The following VPS13C variants were observed in gnomAD, a reference collection of about 807,000 sequenced individuals.
VPS13C encodes the protein vacuolar protein sorting 13 homolog C.
In VPS13C, 358 loss-of-function variants were observed where a neutral mutation model predicts 456.8. The ratio of observed to expected loss-of-function variants is 0.78; its 90% confidence interval spans 0.72 to 0.86. The LOEUF (loss-of-function observed/expected upper bound fraction) is 0.86. VPS13C is among the 40% of genes least tolerant of loss of function. The pLI is 0.00. For missense variants in VPS13C, 4,818 were observed against 4,385.4 expected (o/e 1.10, Z -2.79); for synonymous variants, 1,578 against 1,486.7 (o/e 1.06, Z -1.41).
intron 41 of VPS13C, 30 bp downstream of exon 41, chr15:61,950,328 C>T: frequency 6.4e-7 from 1 of 1,563,764 alleles, no homozygotes; most frequent in South Asian, 1.1e-5. Flanking sequence ...CAACACAACC[C>T]AACCTTATAG....
intron 52 of VPS13C, among the ~76,000 whole-genome samples, chr15:61,926,561 A>C (rs1264814889): frequency 1.3e-5 from 2 of 152,248 alleles, no homozygotes; most frequent in African/African-American, 2.4e-5. Context: ...ATGCCACTGC[A>C]AATTAGTCAC....
chr15:61,942,081 C>A lies in VPS13C; in HGVS notation c.5149-14G>T. 4.0e-5 allele frequency: 61 copies of A among 1,512,592 alleles called. No individual in the cohort carries two copies. Among genetic ancestry groups the A allele is most frequent in the South Asian group, 1.5e-4 (11 of 72,326 alleles). 93.7% of individuals were successfully genotyped at this position (1,512,592 alleles called of 1,614,324 possible). On this transcript the variant is annotated splice_polypyrimidine_tract_variant and intron_variant, in intron 45 of 84. Coordinates refer to ENST00000644861, the MANE Select transcript of VPS13C (RefSeq NM_020821.3). ...GTTGAGGAAGTTCTGTTGGAAGAGA[C>A]AGATATTTAGGGGAAAAAAGGCATT...
rs142033461 is a variant in VPS13C, at chr15:61,968,652, G to T, written c.2911+647C>A. 5.0e-3 allele frequency among the ~76,000 whole-genome samples: 761 copies of T among 152,070 alleles called. 6 individuals carry two copies. Among genetic ancestry groups the T allele is most frequent in the South Asian group, 0.026 (125 of 4,818 alleles). On this transcript the variant is annotated intron_variant, in intron 28 of 84. Transcript: ENST00000644861. The stretch of plus-strand genomic sequence containing the variant: ...GAATAAACAATCAGAGTTTCTGAAA[G>T]AACTAACTTTACATCCTATCATTTT...
Position 61,940,730 on chromosome 15 carries a change from A to C in VPS13C, c.5518T>G (p.Leu1840Val). 6.2e-7 allele frequency: 1 copy of C among 1,613,822 alleles called. No individual in the cohort carries two copies. Among genetic ancestry groups the C allele is most frequent in the South Asian group, 1.1e-5 (1 of 91,006 alleles). ...IEILKPVNML[L>V]SIQRNLAAAW... The stretch of plus-strand genomic sequence containing the variant: ...GCTGCTAAGTTTCGCTGTATGGACA[A>C]AAGCATGTTGACTGGTTTTAAAATT... The change falls in exon 47 of 85, where the codon TTG becomes GTG. Residue 1840 changes from leucine to valine, a missense_variant. By Grantham distance (32) the Leu-to-Val change is conservative. Around this residue, in one of 3 missense-constraint regions of VPS13C, gnomAD observed 4,552 missense variants for 4,130.6 expected, o/e 1.10. Transcript: ENST00000644861.
At chr15:61,951,610 A>T (rs562951455) in intron 39 of VPS13C, among the ~76,000 whole-genome samples, 2 of 152,302 alleles carry the variant, frequency 1.3e-5, no homozygotes, top group East Asian at 1.9e-4. Flanking sequence ...TTAAAAATTT[A>T]AAAAACAAAT....
At chr15:62,060,174 C>T (rs937769367) in intron 1 of VPS13C, 101 bp downstream of exon 1, 15 of 563,274 alleles carry the variant, frequency 2.7e-5, no homozygotes, top group Middle Eastern at 9.0e-4. Context: ...TGGGGAGTCT[C>T]AGGCGGCGCA....
chr15:61,854,763 A>G (rs1414726108), intron 84 of VPS13C, 108 bp downstream of exon 84: 17 of 1,106,302 alleles, frequency 1.5e-5, no homozygotes, highest in Non-Finnish European at 5.2e-6. Flanking sequence ...ATCCATCCAT[A>G]GTTATATTTG....
Position 61,867,115 on chromosome 15 carries a change from T to C in VPS13C, c.10863+1544A>G. 2 of 978,876 alleles carry C rather than the reference T, an allele frequency of 2.0e-6. No homozygotes were observed. The highest frequency in any genetic ancestry group is 2.4e-6 in the Non-Finnish European group (2 of 823,954). 60.6% of individuals were successfully genotyped at this position (978,876 alleles called of 1,614,324 possible). On this transcript the variant is annotated intron_variant, in intron 81 of 84. Transcript: ENST00000644861. The surrounding 1 kb of genome is among the most constrained non-coding windows in gnomAD (Gnocchi z 5.0). ...GATTTAAAAGCAAAAGGTTGGTTTTTGAAAATAAAGAAATCTATGTATTCA... is the reference window on the plus strand; with the variant it reads ...GATTTAAAAGCAAAAGGTTGGTTTTCGAAAATAAAGAAATCTATGTATTCA...
At chr15:61,984,730 T>C (rs115147389) in intron 19 of VPS13C, 127 bp downstream of exon 19, 2 of 949,698 alleles carry the variant, frequency 2.1e-6, no homozygotes, top group South Asian at 1.8e-5. Flanking sequence ...AAAAAGGCTA[T>C]CTTGACATAT....
chr15:61,974,489 T>C, intron 24 of VPS13C, 72 bp from the exon 25 acceptor site: 1 of 1,485,202 alleles, frequency 6.7e-7, no homozygotes, highest in Non-Finnish European at 9.2e-7. Flanking sequence ...TGCATTAATG[T>C]AATTAGATTA....
At chr15:61,910,436 C>A in intron 63 of VPS13C, 131 bp from the exon 64 acceptor site, 1 of 659,330 alleles carries the variant, frequency 1.5e-6, no homozygotes, top group East Asian at 4.5e-5. Flanking sequence ...AAAATATGTC[C>A]TCTACATCTC....
intron 9 of VPS13C, among the ~76,000 whole-genome samples, chr15:62,014,325 A>C (rs1406115981): frequency 6.6e-6 from 1 of 152,106 alleles, no homozygotes; most frequent in Non-Finnish European, 1.5e-5. Flanking sequence ...TTAAAAAAAC[A>C]AGTAATTGTT....
intron 47 of VPS13C, among the ~76,000 whole-genome samples, chr15:61,937,632 G>A (rs746693702): frequency 4.6e-5 from 7 of 152,076 alleles, no homozygotes; most frequent in Non-Finnish European, 8.8e-5. Flanking sequence ...CCGCCACCAC[G>A]CCCGGCTAAT....
chr15:61,947,429 C>A, intron 42 of VPS13C, 120 bp from the exon 43 acceptor site: 1 of 634,688 alleles, frequency 1.6e-6, no homozygotes, highest in African/African-American at 1.9e-5. Flanking sequence ...AAATGCCCTC[C>A]ATTAAGATAA....
In VPS13C at chr15:62,015,960, C is replaced by CA. The variant is rs67786303; in HGVS notation, c.685-1969dup. On this transcript the variant is annotated intron_variant, in intron 9 of 84. Transcript: ENST00000644861. The stretch of plus-strand genomic sequence containing the variant: ...AAAATAAAAAATAAAAAAAGAAGTC[C>CA]AAAAAAAAAAAAAAAAAAAAAAAAC... Among the ~76,000 whole-genome samples, 547 of 72,372 alleles carry CA rather than the reference C, an allele frequency of 7.6e-3. 6 individuals carry two copies. Among genetic ancestry groups the CA allele is most frequent in the African/African-American group, 0.017 (339 of 20,386 alleles). 47.5% of individuals were successfully genotyped at this position (72,372 alleles called of 152,430 possible).
chr15:62,015,928 TATA>T (rs1435110330), intron 9 of VPS13C, among the ~76,000 whole-genome samples: 3 of 89,494 alleles, frequency 3.4e-5, no homozygotes, highest in African/African-American at 8.8e-5. Flanking sequence ...AAACTTAGAG[TATA>T]ATAAAAATAA....
intron 79 of VPS13C, 54 bp downstream of exon 79, chr15:61,871,935 C>T (rs1446316612): frequency 2.0e-6 from 3 of 1,482,166 alleles, no homozygotes; most frequent in Non-Finnish European, 2.8e-6. Flanking sequence ...ACTATGTTTA[C>T]TAATAGCATC....
At position 61,952,857 on chromosome 15, in the gene VPS13C, C is replaced by T. The variant is rs546071099; in HGVS notation, c.4300-877G>A. Among the ~76,000 whole-genome samples the T allele has an allele frequency of 4.5e-4, 68 of 151,838 alleles. 1 individual carries two copies. Among genetic ancestry groups the T allele is most frequent in the African/African-American group, 1.4e-3 (59 of 41,406 alleles). ...CTTCCCAAGTAGCCAGGACTAAAGG[C>T]ACATGCCACCACAACTGACTAATTA... is the stretch of plus-strand genomic sequence containing the variant. On this transcript the variant is annotated intron_variant, in intron 38 of 84. Transcript: ENST00000644861.
At chr15:62,001,152 C>T (rs79376908) in intron 15 of VPS13C, among the ~76,000 whole-genome samples, 3,929 of 152,280 alleles carry the variant, frequency 0.026, 114 homozygotes, top group South Asian at 0.069. Flanking sequence ...GTTCCAAGTG[C>T]TTTATGTGCT....
Sources: gnomAD v4.1 joint callset for allele counts (sites outside exome capture counted in the v4.1 genomes callset) on GRCh38, gnomAD v4.1.1 for gene constraint, gnomAD v4.1.1 regional missense constraint, Gnocchi (gnomAD v3.1) non-coding constraint, MANE v1.5 for transcripts, NCBI Gene and HGNC (gene_info 2026-07-23, HGNC 2026-07-21) for gene names.